The following SERPINE2 variants were observed in gnomAD, a reference collection of about 807,000 sequenced individuals.
SERPINE2 encodes glia-derived nexin.
A neutral mutation model predicts 36.3 loss-of-function variants in SERPINE2; 14 were observed. The observed-to-expected ratio is 0.39, with a 90% CI of 0.25 to 0.60. The LOEUF (loss-of-function observed/expected upper bound fraction) is 0.60. Among genes scored for constraint, SERPINE2 ranks in the 20% least tolerant of loss-of-function variants. The probability of loss-of-function intolerance (pLI) is 0.57; values close to 1 mark genes in which losing one functional copy is unlikely to be tolerated. For missense variants in SERPINE2, 418 were observed against 499.6 expected (o/e 0.84, Z 1.56); for synonymous variants, 192 against 191.8 (o/e 1.00, Z -0.01).
At chr2:224,021,863 A>C (rs1006056300) in intron 1 of SERPINE2, among the ~76,000 whole-genome samples, 2 of 152,206 alleles carry the variant, frequency 1.3e-5, no homozygotes, top group African/African-American at 4.8e-5. Context: ...GTCTCTACTA[A>C]AAATACAAAA....
At chr2:223,998,501 T>G (rs899947755) in intron 2 of SERPINE2, among the ~76,000 whole-genome samples, 159 bp from the exon 3 acceptor site, 2 of 152,084 alleles carry the variant, frequency 1.3e-5, no homozygotes, top group Non-Finnish European at 2.9e-5. Context: ...GTGGATTGCT[T>G]GAGCTCAGGA....
chr2:224,004,874 G>C (rs1350935671), intron 1 of SERPINE2, among the ~76,000 whole-genome samples: 2 of 150,934 alleles, frequency 1.3e-5, no homozygotes, highest in Non-Finnish European at 2.9e-5. Flanking sequence ...CCTCCCCAAA[G>C]AAATGCTCCT....
chr2:224,030,910 G>GA, intron 1 of SERPINE2: 1 of 967,656 alleles, frequency 1.0e-6, no homozygotes. Context: ...TTCAGTCCCA[G>GA]AAAAAAACAA....
chr2:223,990,017 A>G (rs1559199136), intron 4 of SERPINE2, among the ~76,000 whole-genome samples: 1 of 152,052 alleles, frequency 6.6e-6, no homozygotes, highest in African/African-American at 2.4e-5. Context: ...AGAGAGAAAG[A>G]GCTCTTGGGC....
chr2:223,996,385 GTTTATGGT>G (rs1690889373), intron 3 of SERPINE2, among the ~76,000 whole-genome samples: 1 of 152,162 alleles, frequency 6.6e-6, no homozygotes, highest in African/African-American at 2.4e-5. Context: ...CCTCCCGATG[GTTTATGGT>G]TTTAGGAAGG....
rs6741768 is a variant in SERPINE2 at position 224,039,199 on chromosome 2, C to G, written c.-123G>C. On this transcript the variant is annotated 5_prime_UTR_variant, in exon 1 of 9. Coordinates refer to ENST00000409304, the MANE Select transcript of SERPINE2 (RefSeq NM_001136528.2). The surrounding 1 kb of genome is among the most constrained non-coding windows in gnomAD (Gnocchi z 5.2). The stretch of plus-strand genomic sequence containing the variant: ...GGCGCGGGGAGTCGGAGGACGCAGC[C>G]AAGCGGCGGCGGCGAGGAGGGTCAC... The G allele has an allele frequency of 0.64, 97,028 of 150,926 alleles. 31,432 individuals carry two copies. Among genetic ancestry groups the G allele is most frequent in the South Asian group, 0.71 (3,441 of 4,824 alleles). The allele number at this position is 150,926 out of a possible 1,614,324, so 9.3% of individuals were successfully genotyped here.
chr2:224,031,361 G>A (rs1692358443), intron 1 of SERPINE2: 5 of 985,398 alleles, frequency 5.1e-6, no homozygotes, highest in Non-Finnish European at 6.0e-6. Context: ...TGAGAGGCAG[G>A]CACGAGGCTC....
chr2:223,999,288 G>A (rs1413619973), intron 2 of SERPINE2, among the ~76,000 whole-genome samples: 4 of 152,128 alleles, frequency 2.6e-5, no homozygotes, highest in Non-Finnish European at 4.4e-5. Flanking sequence ...TTGAGAGGGT[G>A]AAAAAGAGGC....
chr2:224,038,458 C>T, intron 1 of SERPINE2: 1 of 1,547,062 alleles, frequency 6.5e-7, no homozygotes, highest in Non-Finnish European at 8.8e-7. Context: ...TAATTCCTTC[C>T]AGAATTTCTG....
chr2:224,003,790 A>G (rs555845107), intron 1 of SERPINE2, among the ~76,000 whole-genome samples: 2 of 152,350 alleles, frequency 1.3e-5, no homozygotes, highest in African/African-American at 2.4e-5. Flanking sequence ...GCTCCTGCTA[A>G]GCACAGTCTC....
At chr2:224,005,096 T>TATATATATATATATATATA (rs1251441985) in intron 1 of SERPINE2, among the ~76,000 whole-genome samples, 1 of 132,022 alleles carries the variant, frequency 7.6e-6, no homozygotes, top group Non-Finnish European at 1.6e-5. Flanking sequence ...TATATATATA[T>TATATATATATATATATATA]AAAACATTGT....
At chr2:224,021,814 A>T (rs1574845905) in intron 1 of SERPINE2, among the ~76,000 whole-genome samples, 1 of 152,208 alleles carries the variant, frequency 6.6e-6, no homozygotes, top group East Asian at 1.9e-4. Flanking sequence ...ACATGAGGTC[A>T]GGAGTTTGAG....
rs1423189742 is a variant in SERPINE2 at position 224,002,928 on chromosome 2, A to T, written c.-22-1006T>A. On this transcript the variant is annotated intron_variant, in intron 1 of 8. Coordinates refer to ENST00000409304, the MANE Select transcript of SERPINE2 (RefSeq NM_001136528.2). ...ATGGACAAGACTCTCACCCGCACTG[A>T]GCTTACAATCTAGAAGGGAGACAGA... 5.9e-5 allele frequency among the ~76,000 whole-genome samples: 9 copies of T among 152,178 alleles called. No individual in the cohort carries two copies. In the East Asian group the frequency reaches 1.7e-3, roughly 29 times the overall value.
At chr2:223,976,187 G>C (rs1658823674) in intron 8 of SERPINE2, among the ~76,000 whole-genome samples, 1 of 152,114 alleles carries the variant, frequency 6.6e-6, no homozygotes, top group Non-Finnish European at 1.5e-5. Flanking sequence ...GTCTTGCACT[G>C]TCACCCAGGC....
chr2:224,006,297 G>C (rs1184126832), intron 1 of SERPINE2, among the ~76,000 whole-genome samples: 1 of 152,124 alleles, frequency 6.6e-6, no homozygotes, highest in African/African-American at 2.4e-5. Context: ...TTATCCACTG[G>C]TGGGGAGGGG....
At chr2:223,985,981 A>T (rs987489579) in intron 4 of SERPINE2, among the ~76,000 whole-genome samples, 3 of 152,222 alleles carry the variant, frequency 2.0e-5, no homozygotes, top group Non-Finnish European at 4.4e-5. Context: ...AGCAAACAAG[A>T]AGAGAGAAAG....
At chr2:224,020,573 C>A (rs12478391) in intron 1 of SERPINE2, among the ~76,000 whole-genome samples, 2,119 of 152,200 alleles carry the variant, frequency 0.014, 29 homozygotes, top group Non-Finnish European at 0.022. Flanking sequence ...TGCAGGAATG[C>A]GAAATGATTT....
At chr2:224,018,803 C>T (rs1691887391) in intron 1 of SERPINE2, among the ~76,000 whole-genome samples, 1 of 152,124 alleles carries the variant, frequency 6.6e-6, no homozygotes, top group Admixed American at 6.5e-5. Context: ...TCCTTTATCC[C>T]ACAGAACCAT....
intron 1 of SERPINE2, among the ~76,000 whole-genome samples, chr2:224,035,560 G>T (rs1057023779): frequency 2.0e-4 from 31 of 151,974 alleles, no homozygotes; most frequent in Non-Finnish European, 1.2e-4. Flanking sequence ...GTAGAGACGC[G>T]GTTTTACCAT....
Sources: allele counts gnomAD v4.1 joint callset (sites outside exome capture counted in the v4.1 genomes callset), GRCh38; gene constraint gnomAD v4.1.1; non-coding constraint Gnocchi (gnomAD v3.1); transcripts MANE v1.5; gene names NCBI Gene and HGNC (gene_info 2026-07-23, HGNC 2026-07-21).